DPP6: variants seen among roughly 807,000 people sequenced by gnomAD.
The protein encoded by DPP6 is A-type potassium channel modulatory protein DPP6.
DPP6 carries 69 observed loss-of-function variants against 122.6 expected under a neutral mutation model. That is an observed-to-expected ratio of 0.56 (90% CI 0.46 to 0.69). The LOEUF (loss-of-function observed/expected upper bound fraction) is 0.69, where lower values mean the gene tolerates loss of function less well. Ranked by LOEUF, DPP6 falls within the 30% of genes least tolerant of loss-of-function variation. The pLI is 0.00. For missense variants in DPP6, 928 were observed against 1,116.9 expected, an observed-to-expected ratio of 0.83 and a Z score of 2.41; for synonymous variants, 418 against 433.1, an observed-to-expected ratio of 0.97 and a Z score of 0.43.
chr7:153,932,850 C>T (rs926385276), intron 1 of DPP6, among the ~76,000 whole-genome samples: 1 of 152,170 alleles, frequency 6.6e-6, no homozygotes, highest in African/African-American at 2.4e-5. Flanking sequence ...ACCCAAATCT[C>T]ATCGTGAATT....
intron 1 of DPP6, among the ~76,000 whole-genome samples, chr7:154,023,026 C>A (rs565985332): frequency 6.6e-6 from 1 of 152,218 alleles, no homozygotes; most frequent in East Asian, 1.9e-4. Context: ...GCCTGAGGTA[C>A]CCAGTACTTG....
the DPP6 span, among the ~76,000 whole-genome samples, chr7:153,781,075 C>A: frequency 6.6e-6 from 1 of 152,070 alleles, no homozygotes; most frequent in Admixed American, 6.6e-5. Flanking sequence ...AGGACTGGAC[C>A]GTTTTAGTCA....
the DPP6 span, among the ~76,000 whole-genome samples, chr7:153,786,610 G>A: frequency 2.0e-5 from 3 of 151,590 alleles, no homozygotes; most frequent in Non-Finnish European, 4.4e-5. Flanking sequence ...GTGGTGGCGC[G>A]CACCTGTAGT....
intron 1 of DPP6, among the ~76,000 whole-genome samples, chr7:154,415,213 A>C (rs977851042): frequency 6.6e-6 from 1 of 152,192 alleles, no homozygotes; most frequent in African/African-American, 2.4e-5. Context: ...TTATATTCAC[A>C]TGTAGAAGAC....
intron 6 of DPP6, among the ~76,000 whole-genome samples, chr7:154,643,559 C>G (rs549626871): frequency 1.1e-4 from 16 of 151,828 alleles, no homozygotes; most frequent in African/African-American, 2.4e-4. Flanking sequence ...ACCTCCGCCC[C>G]CCAGGTTCAA....
chr7:154,140,850 T>G (rs968685737), intron 1 of DPP6, among the ~76,000 whole-genome samples: 8 of 152,212 alleles, frequency 5.3e-5, no homozygotes, highest in African/African-American at 1.9e-4. Flanking sequence ...AGTTAATACA[T>G]AAATAAAATG....
intron 20 of DPP6, among the ~76,000 whole-genome samples, chr7:154,879,698 G>A (rs1283197952): frequency 6.6e-6 from 1 of 152,180 alleles, no homozygotes; most frequent in Non-Finnish European, 1.5e-5. Context: ...GTTGCGGTGA[G>A]CCACGATCAC....
intron 1 of DPP6, among the ~76,000 whole-genome samples, chr7:154,060,849 C>G (rs1442735337): frequency 7.1e-6 from 1 of 141,406 alleles, no homozygotes; most frequent in African/African-American, 2.6e-5. Context: ...CCTGTTCCCC[C>G]ACTGGCTCTT....
intron 1 of DPP6, among the ~76,000 whole-genome samples, chr7:154,334,262 G>A (rs1809206651): frequency 6.6e-6 from 1 of 151,798 alleles, no homozygotes; most frequent in African/African-American, 2.4e-5. Flanking sequence ...GATGCCGGCT[G>A]CTCTGCCAGG....
chr7:154,658,825 T>A (rs1319272590), intron 6 of DPP6, among the ~76,000 whole-genome samples: 1 of 152,112 alleles, frequency 6.6e-6, no homozygotes, highest in Non-Finnish European at 1.5e-5. Context: ...ATGATGGGAA[T>A]GGTTAGTGGT....
chr7:154,347,027 A>G (rs942517948), intron 1 of DPP6, among the ~76,000 whole-genome samples: 34 of 152,342 alleles, frequency 2.2e-4, no homozygotes, highest in African/African-American at 6.3e-4. Context: ...ATCAGTAGGT[A>G]TCATGTATGT....
At chr7:154,297,063 G>GTTTTTTTTTTTTTTTTTT (rs34506058) in intron 1 of DPP6, among the ~76,000 whole-genome samples, 7 of 125,258 alleles carry the variant, frequency 5.6e-5, no homozygotes, top group Non-Finnish European at 1.1e-4. Context: ...AATGTATTCT[G>GTTTTTTTTTTTTTTTTTT]TTTTTTTTTT....
intron 1 of DPP6, among the ~76,000 whole-genome samples, chr7:154,286,466 C>A (rs943872952): frequency 6.6e-6 from 1 of 152,164 alleles, no homozygotes; most frequent in South Asian, 2.1e-4. Flanking sequence ...CAAGCAGGAG[C>A]GTTTGTCCAC....
In DPP6 at chr7:154,060,961, G is replaced by A; in HGVS notation, c.243+7898G>A. On this transcript the variant is annotated intron_variant, in intron 1 of 25. Transcript: ENST00000377770. ...ATAGGACCCCCATCGTTGATGTTAA[G>A]ATCCTTAGGACCCACCTGGAGGACT... is the stretch of plus-strand genomic sequence containing the variant. Among the ~76,000 whole-genome samples, 2 of 148,576 alleles carry A rather than the reference G, an allele frequency of 1.3e-5. 1 individual carries two copies. The highest frequency in any genetic ancestry group is 3.0e-5 in the Non-Finnish European group (2 of 66,040).
chr7:154,849,376 G>T (rs2150569853), intron 16 of DPP6, among the ~76,000 whole-genome samples: 1 of 152,152 alleles, frequency 6.6e-6, no homozygotes, highest in African/African-American at 2.4e-5. Flanking sequence ...ATAGTATTCA[G>T]TATACATATT....
At chr7:154,619,054 T>C (rs1207294380) in intron 5 of DPP6, among the ~76,000 whole-genome samples, 1 of 152,210 alleles carries the variant, frequency 6.6e-6, no homozygotes. Flanking sequence ...TTCTCCTGCC[T>C]GCTGCCATGT....
chr7:154,853,731 T>A, intron 16 of DPP6, 49 bp from the exon 17 acceptor site: 4 of 1,604,306 alleles, frequency 2.5e-6, no homozygotes, highest in Non-Finnish European at 3.4e-6. Flanking sequence ...TCGGCTAAAC[T>A]AATGGCTTCG....
intron 1 of DPP6, among the ~76,000 whole-genome samples, chr7:153,939,311 A>G (rs957283966): frequency 1.3e-5 from 2 of 152,218 alleles, no homozygotes; most frequent in Admixed American, 6.5e-5. Flanking sequence ...GCCATTTGCA[A>G]TTTCTCTTCT....
chr7:154,277,422 C>T (rs1804214674), intron 1 of DPP6, among the ~76,000 whole-genome samples: 1 of 152,136 alleles, frequency 6.6e-6, no homozygotes, highest in Non-Finnish European at 1.5e-5. Context: ...ATAGAAGGAA[C>T]AATTAGCTTG....
Sources: allele counts gnomAD v4.1 joint callset (sites outside exome capture counted in the v4.1 genomes callset), GRCh38; gene constraint gnomAD v4.1.1; transcripts MANE v1.5; gene names NCBI Gene and HGNC (gene_info 2026-07-23, HGNC 2026-07-21).